RIMKLB: variants seen among roughly 807,000 people sequenced by gnomAD.
RIMKLB encodes beta-citrylglutamate synthase B.
In RIMKLB, 7 loss-of-function variants were observed where a neutral mutation model predicts 32.0. That is an observed-to-expected ratio of 0.22 (90% CI 0.12 to 0.41). RIMKLB has a LOEUF of 0.41. Ranked by LOEUF, RIMKLB falls within the 10% of genes least tolerant of loss-of-function variation. The pLI is 1.00. For missense variants in RIMKLB, 289 were observed against 498.7 expected (o/e 0.58, Z 4.00); for synonymous variants, 172 against 185.1 (o/e 0.93, Z 0.57).
chr12:8,748,561 T>TGTGTGC (rs1250225520), intron 2 of RIMKLB, among the ~76,000 whole-genome samples: 1 of 147,604 alleles, frequency 6.8e-6, no homozygotes, highest in Non-Finnish European at 1.5e-5. Context: ...TGTGTGTGCA[T>TGTGTGC]ATATATATAT....
intron 2 of RIMKLB, among the ~76,000 whole-genome samples, chr12:8,727,199 CAAAT>C (rs1341313651): frequency 6.6e-6 from 1 of 152,168 alleles, no homozygotes; most frequent in Non-Finnish European, 1.5e-5. Flanking sequence ...TACACGCAAT[CAAAT>C]AAAGTTGGCA....
the RIMKLB span, among the ~76,000 whole-genome samples, chr12:8,672,669 T>G: frequency 6.6e-6 from 1 of 151,968 alleles, no homozygotes; most frequent in South Asian, 2.1e-4. Flanking sequence ...TTCTGGAAGA[T>G]GCAATTGAAG....
At chr12:8,762,327 T>A (rs1040991305) in intron 5 of RIMKLB, among the ~76,000 whole-genome samples, 7 of 152,166 alleles carry the variant, frequency 4.6e-5, no homozygotes, top group African/African-American at 1.7e-4. Flanking sequence ...CCTCGTGAGG[T>A]TCCCCATTCT....
intron 5 of RIMKLB, among the ~76,000 whole-genome samples, chr12:8,765,315 C>G (rs1949863982): frequency 6.6e-6 from 1 of 152,132 alleles, no homozygotes. Context: ...TCTCCATGTT[C>G]TGATTCTGTG....
chr12:8,782,682 TAAG>T (rs754923764), intron 7 of RIMKLB, among the ~76,000 whole-genome samples: 8 of 152,186 alleles, frequency 5.3e-5, no homozygotes, highest in South Asian at 2.1e-4. Context: ...TTTTTAATGA[TAAG>T]AACATTAAAT....
intron 5 of RIMKLB, 145 bp downstream of exon 5, chr12:8,754,238 C>A: frequency 1.6e-6 from 1 of 622,478 alleles, no homozygotes; most frequent in South Asian, 2.0e-5. Flanking sequence ...TTTACACATG[C>A]CATCAATGTA....
At chr12:8,758,460 T>C (rs939499540) in intron 5 of RIMKLB, among the ~76,000 whole-genome samples, 1 of 152,172 alleles carries the variant, frequency 6.6e-6, no homozygotes, top group Non-Finnish European at 1.5e-5. Flanking sequence ...CTGTCAGTTA[T>C]ATGAATTGTA....
intron 2 of RIMKLB, among the ~76,000 whole-genome samples, chr12:8,732,756 T>TACACACAC (rs775849283): frequency 9.3e-5 from 14 of 150,144 alleles, no homozygotes; most frequent in African/African-American, 3.2e-4. Context: ...TATATATATA[T>TACACACAC]ACACACACAC....
At chr12:8,771,956 T>G (rs1291930934) in intron 5 of RIMKLB, among the ~76,000 whole-genome samples, 2 of 152,226 alleles carry the variant, frequency 1.3e-5, no homozygotes, top group Non-Finnish European at 2.9e-5. Flanking sequence ...TGGCACAATC[T>G]TGGCTCACAG....
At chr12:8,781,388 G>A (rs1951024220), downstream of RIMKLB, among the ~76,000 whole-genome samples, 1 of 152,116 alleles carries the variant, frequency 6.6e-6, no homozygotes, top group Admixed American at 6.5e-5. Flanking sequence ...TTTTTAGTGG[G>A]AGCTTTGGGA....
chr12:8,750,254 T>C (rs1201513162), intron 3 of RIMKLB, among the ~76,000 whole-genome samples, 162 bp downstream of exon 3: 1 of 152,190 alleles, frequency 6.6e-6, no homozygotes, highest in Non-Finnish European at 1.5e-5. Context: ...TTTCATATTA[T>C]GGGGGAAAAT....
intron 2 of RIMKLB, chr12:8,742,432 C>A: frequency 6.1e-6 from 2 of 325,920 alleles, no homozygotes; most frequent in Non-Finnish European, 1.2e-5. Flanking sequence ...TTCATGGTGT[C>A]TGGAACCTTT....
chr12:8,762,932 T>C (rs1206298532), intron 5 of RIMKLB, among the ~76,000 whole-genome samples: 1 of 152,190 alleles, frequency 6.6e-6, no homozygotes, highest in Admixed American at 6.6e-5. Flanking sequence ...ACAGTTATGT[T>C]CTTTTTTTTA....
chr12:8,706,652 C>T (rs1284623076), intron 1 of RIMKLB, among the ~76,000 whole-genome samples: 1 of 151,894 alleles, frequency 6.6e-6, no homozygotes, highest in African/African-American at 2.4e-5. Context: ...AGGGTTTCAC[C>T]ATTTTGGCCA....
chr12:8,760,301 C>T (rs1591950741), intron 5 of RIMKLB, among the ~76,000 whole-genome samples: 2 of 152,192 alleles, frequency 1.3e-5, no homozygotes, highest in Non-Finnish European at 2.9e-5. Flanking sequence ...ACATAGTATT[C>T]CATGGTGTAT....
intron 1 of RIMKLB, among the ~76,000 whole-genome samples, chr12:8,713,302 A>AT (rs56736946): frequency 2.6e-4 from 39 of 149,912 alleles, no homozygotes; most frequent in East Asian, 3.9e-4. Flanking sequence ...GCTACTACCT[A>AT]TTTTTTTTTT....
chr12:8,720,474 A>G (rs1945328732), intron 2 of RIMKLB, among the ~76,000 whole-genome samples: 1 of 152,208 alleles, frequency 6.6e-6, no homozygotes, highest in Non-Finnish European at 1.5e-5. Flanking sequence ...GTAGAATTAA[A>G]GACTATAAAC....
intron 5 of RIMKLB, among the ~76,000 whole-genome samples, chr12:8,764,806 T>C (rs1012826870): frequency 6.6e-6 from 1 of 152,020 alleles, no homozygotes; most frequent in African/African-American, 2.4e-5. Flanking sequence ...TTATTTCTAT[T>C]TGGACAATCT....
chr12:8,695,212 C>G (rs1400773255), upstream of RIMKLB, among the ~76,000 whole-genome samples: 1 of 140,166 alleles, frequency 7.1e-6, no homozygotes, highest in South Asian at 2.2e-4. Context: ...CCGCCCCGCC[C>G]GGCCCCGACA....
Sources: allele counts gnomAD v4.1 joint callset (sites outside exome capture counted in the v4.1 genomes callset), GRCh38; gene constraint gnomAD v4.1.1; transcripts MANE v1.5; gene names NCBI Gene and HGNC (gene_info 2026-07-23, HGNC 2026-07-21).